The following DLG2 variants were observed in gnomAD, a reference collection of about 807,000 sequenced individuals.
The protein encoded by DLG2 is disks large homolog 2.
DLG2 carries 45 observed loss-of-function variants against 132.5 expected under a neutral mutation model. The ratio of observed to expected loss-of-function variants is 0.34; its 90% CI spans 0.27 to 0.44. DLG2 has a LOEUF of 0.44. DLG2 is among the 20% of genes least tolerant of loss of function. The probability of loss-of-function intolerance (pLI) is 1.00; values close to 1 mark genes in which losing one functional copy is unlikely to be tolerated. For synonymous variants in DLG2, 424 were observed against 419.6 expected, an observed-to-expected ratio of 1.01 and a Z score of -0.13; for missense variants, 1,045 against 1,196.9, an observed-to-expected ratio of 0.87 and a Z score of 1.87.
At chr11:85,270,867 G>A (rs1379241870) in intron 4 of DLG2, among the ~76,000 whole-genome samples, 3 of 152,112 alleles carry the variant, frequency 2.0e-5, no homozygotes, top group East Asian at 3.9e-4. Context: ...GGTGACTTGG[G>A]TCCTATTAAA....
intron 6 of DLG2, among the ~76,000 whole-genome samples, chr11:84,793,650 A>G (rs1438592903): frequency 6.6e-6 from 1 of 152,212 alleles, no homozygotes; most frequent in East Asian, 1.9e-4. Flanking sequence ...TTATCATTAT[A>G]TAATTACCTT....
At chr11:83,771,334 C>G (rs897093878) in intron 18 of DLG2, among the ~76,000 whole-genome samples, 1 of 152,190 alleles carries the variant, frequency 6.6e-6, no homozygotes, top group Non-Finnish European at 1.5e-5. Context: ...GTGAAGAATG[C>G]CTATTTTTAA....
intron 15 of DLG2, among the ~76,000 whole-genome samples, chr11:83,926,466 A>C (rs745764605): frequency 6.6e-6 from 1 of 152,144 alleles, no homozygotes; most frequent in Non-Finnish European, 1.5e-5. Flanking sequence ...CATCCTAAAA[A>C]TCAGGCATTT....
In DLG2 at chr11:84,449,488, G is replaced by A. The variant is rs559901909; in HGVS notation, c.519+85082C>T. On this transcript the variant is annotated intron_variant, in intron 7 of 27. Coordinates refer to ENST00000376104, the MANE Select transcript of DLG2 (RefSeq NM_001142699.3). ...AGCATCATCTTGTTATATACTTCATGGCTAACTAGATAGAAAAGGGGAGAC... is the reference window on the plus strand; with the variant it reads ...AGCATCATCTTGTTATATACTTCATAGCTAACTAGATAGAAAAGGGGAGAC... Among the ~76,000 whole-genome samples the A allele has an allele frequency of 5.9e-5, 9 of 151,402 alleles. No homozygotes were observed. The South Asian group carries it at 1.9e-3, about 32-fold the overall frequency.
At chr11:85,219,617 A>C (rs1231836748) in intron 4 of DLG2, among the ~76,000 whole-genome samples, 1 of 151,100 alleles carries the variant, frequency 6.6e-6, no homozygotes, top group East Asian at 1.9e-4. Flanking sequence ...GCATCACTCT[A>C]ATCTCTGACA....
At chr11:85,440,566 T>C (rs1417164403) in intron 3 of DLG2, among the ~76,000 whole-genome samples, 1 of 152,216 alleles carries the variant, frequency 6.6e-6, no homozygotes, top group Admixed American at 6.5e-5. Flanking sequence ...ACTTTAATAG[T>C]TCACAAGTGT....
chr11:84,254,115 G>A (rs2097428150), intron 7 of DLG2, among the ~76,000 whole-genome samples: 1 of 152,098 alleles, frequency 6.6e-6, no homozygotes, highest in African/African-American at 2.4e-5. Context: ...TCATATCCAA[G>A]AATAGACTGA....
At chr11:84,882,662 T>C (rs1461162612) in intron 6 of DLG2, among the ~76,000 whole-genome samples, 4 of 152,076 alleles carry the variant, frequency 2.6e-5, no homozygotes, top group African/African-American at 9.7e-5. Flanking sequence ...AAAAATGTTT[T>C]CGGTAAATCA....
intron 6 of DLG2, among the ~76,000 whole-genome samples, chr11:84,579,464 G>C (rs2099511330): frequency 1.3e-5 from 2 of 152,234 alleles, no homozygotes; most frequent in East Asian, 3.9e-4. Flanking sequence ...TATAATGAAA[G>C]ATTAGTAGTA....
At chr11:85,466,810 T>C (rs1242323691) in intron 3 of DLG2, among the ~76,000 whole-genome samples, 2 of 152,206 alleles carry the variant, frequency 1.3e-5, no homozygotes, top group Non-Finnish European at 2.9e-5. Flanking sequence ...TTTGGTTCCA[T>C]ATGAACTTTA....
chr11:85,170,249 G>T (rs1017124241), intron 4 of DLG2, among the ~76,000 whole-genome samples: 1 of 152,034 alleles, frequency 6.6e-6, no homozygotes, highest in African/African-American at 2.4e-5. Flanking sequence ...GAGAGGAGAA[G>T]GAACTTCAGT....
At chr11:83,607,410 G>A (rs1316613757) in intron 19 of DLG2, among the ~76,000 whole-genome samples, 2 of 152,080 alleles carry the variant, frequency 1.3e-5, no homozygotes, top group East Asian at 3.8e-4. Flanking sequence ...ATTGTCTATG[G>A]GCACTATGGT....
At chr11:85,249,134 G>A (rs910910300) in intron 4 of DLG2, among the ~76,000 whole-genome samples, 2 of 151,840 alleles carry the variant, frequency 1.3e-5, no homozygotes, top group Admixed American at 1.3e-4. Context: ...AAATCCTGTT[G>A]GGGATTATTA....
At chr11:84,564,130 A>T (rs930439606) in intron 6 of DLG2, among the ~76,000 whole-genome samples, 6 of 152,218 alleles carry the variant, frequency 3.9e-5, no homozygotes, top group Admixed American at 3.9e-4. Context: ...TATCCAGGGT[A>T]AGCCTATTGC....
At chr11:85,126,417 A>C (rs2075120485) in intron 5 of DLG2, among the ~76,000 whole-genome samples, 1 of 152,306 alleles carries the variant, frequency 6.6e-6, no homozygotes. Context: ...TGGAATACTT[A>C]ATAAAAGAAA....
intron 7 of DLG2, among the ~76,000 whole-genome samples, chr11:84,440,722 G>A (rs1229789205): frequency 6.6e-6 from 1 of 152,138 alleles, no homozygotes; most frequent in Non-Finnish European, 1.5e-5. Flanking sequence ...TACCAGTGCA[G>A]CTGAGTTTGA....
intron 5 of DLG2, among the ~76,000 whole-genome samples, chr11:85,148,022 T>C (rs1313633271): frequency 6.6e-6 from 1 of 152,084 alleles, no homozygotes; most frequent in Admixed American, 6.6e-5. Context: ...TCTGTTCTTG[T>C]GTTAGTTTGC....
chr11:84,564,378 T>A (rs994570184), intron 6 of DLG2, among the ~76,000 whole-genome samples: 7 of 152,144 alleles, frequency 4.6e-5, no homozygotes, highest in Admixed American at 3.3e-4. Context: ...CTTTACAGTA[T>A]CCTTGGAGAC....
At chr11:84,833,176 T>G (rs1281610259) in intron 6 of DLG2, among the ~76,000 whole-genome samples, 3 of 151,552 alleles carry the variant, frequency 2.0e-5, no homozygotes, top group African/African-American at 7.3e-5. Context: ...AAATTATCAT[T>G]GATTTTCCTC....
Sources: gnomAD v4.1 joint callset for allele counts (sites outside exome capture counted in the v4.1 genomes callset) on GRCh38, gnomAD v4.1.1 for gene constraint, MANE v1.5 for transcripts, NCBI Gene and HGNC (gene_info 2026-07-23, HGNC 2026-07-21) for gene names.